FAM50A: variants seen among roughly 807,000 people sequenced by gnomAD.
FAM50A encodes family with sequence similarity 50 member A.
FAM50A carries 6 observed loss-of-function variants against 35.5 expected under a neutral mutation model. The ratio of observed to expected loss-of-function variants is 0.17; its 90% CI spans 0.09 to 0.33. FAM50A has a LOEUF of 0.33. FAM50A is among the 10% of genes least tolerant of loss of function. The pLI is 1.00. For synonymous variants in FAM50A, 120 were observed against 110.9 expected (o/e 1.08, Z -0.52); for missense variants, 145 against 295.5 (o/e 0.49, Z 3.73).
At chrX:154,448,068 C>CTTTTTTTTTTTTTTTTTTTT (rs782137009) in intron 4 of FAM50A, among the ~76,000 whole-genome samples, 2 of 76,519 alleles carry the variant, frequency 2.6e-5, no homozygotes, top group African/African-American at 1.0e-4. Context: ...TCTTTTTTTT[C>CTTTTTTTTTTTTTTTTTTTT]TTTCTTTTTT....
At chrX:154,447,489 A>G (rs1252733873) in intron 4 of FAM50A, among the ~76,000 whole-genome samples, 4 of 112,205 alleles carry the variant, frequency 3.6e-5, no homozygotes, top group Non-Finnish European at 7.5e-5. Flanking sequence ...ACAGTAAAAC[A>G]TAGAAAAAGA....
chrX:154,447,166 G>T (rs1319757187), intron 4 of FAM50A, among the ~76,000 whole-genome samples: 2 of 112,553 alleles, frequency 1.8e-5, no homozygotes, highest in East Asian at 5.5e-4. Flanking sequence ...AGGCCCTAAG[G>T]ATGAGGGGAG....
intron 4 of FAM50A, among the ~76,000 whole-genome samples, chrX:154,448,059 C>CTTTTTTTTTTTTT (rs1324356165): frequency 1.2e-5 from 1 of 84,801 alleles, no homozygotes; most frequent in African/African-American, 6.6e-5. Context: ...TTGTTCTTTT[C>CTTTTTTTTTTTTT]TTTTTTTTCT....
Position 154,448,709 on chromosome X carries a change from G to A in FAM50A, c.539G>A (p.Arg180Gln), listed in dbSNP as rs2068792013. Residue 180 changes from arginine to glutamine, a missense_variant, in exon 6 of 13, where the codon CGG (arginine) becomes CAG (glutamine). Arg to Gln is a conservative substitution (Grantham distance 43). Transcript: ENST00000393600. ...TCCCAGGAGGAGGAGAATCGGCTTC[G>A]GGAAGAGCTGCGGCAGGAGTGGGAA... ...RDREEEENRL[R>Q]EELRQEWEAK... is the part of the protein sequence containing the mutation. 8.3e-7 allele frequency: 1 copy of A among 1,207,585 alleles called. No homozygotes were observed. The highest frequency in any genetic ancestry group is 1.1e-6 in the Non-Finnish European group (1 of 894,523).
At chrX:154,449,099 T>G (rs1471730025) in intron 7 of FAM50A, 122 bp from the exon 8 acceptor site, 16 of 868,970 alleles carry the variant, frequency 1.8e-5, no homozygotes, top group Non-Finnish European at 2.0e-5. Context: ...GTCTGGGGAG[T>G]GAGGCCCAGG....
At position 154,448,579 on chromosome X, in the gene FAM50A, T is replaced by C; in HGVS notation, c.519+19T>C. 1.7e-6 allele frequency: 2 copies of C among 1,199,441 alleles called. No individual in the cohort carries two copies. The highest frequency in any genetic ancestry group is 3.5e-5 in the South Asian group (2 of 56,721). Reference sequence around the variant, plus strand: ...CCGTGAGGTAAAGGCTGCCTGGCCCTGACCCCGGCCTCGACTCCAGCCCTG... The same window carrying C: ...CCGTGAGGTAAAGGCTGCCTGGCCCCGACCCCGGCCTCGACTCCAGCCCTG... On this transcript the variant is annotated intron_variant, in intron 5 of 12. Transcript: ENST00000393600.
Position 154,448,903 on chromosome X carries a change from C to T in FAM50A, c.597C>T (p.Ile199=), listed in dbSNP as rs139766103. 8.1e-5 allele frequency: 98 copies of T among 1,209,582 alleles called. 2 individuals are homozygous for T. The highest frequency in any genetic ancestry group is 6.2e-4 in the South Asian group (35 of 56,841). ...AGCTCTGCCTTGTAGGTGAGGAGAT[C>T]GAGATCACCTTCAGCTACTGGGATG... ...AKQEKIKSEE[I]EITFSYWDGS... Residue 199 remains isoleucine, a synonymous_variant, in exon 7 of 13, where the codon ATC becomes ATT. Coordinates refer to ENST00000393600, the MANE Select transcript of FAM50A (RefSeq NM_004699.4).
At chrX:154,449,321 G>A (rs2068794986) in intron 8 of FAM50A, 24 bp downstream of exon 8, 3 of 1,149,293 alleles carry the variant, frequency 2.6e-6, no homozygotes, top group African/African-American at 1.8e-5. Flanking sequence ...GTGTGTGCAC[G>A]GTGGTGTGTG....
Position 154,448,968 on chromosome X carries a change from A to T in FAM50A, c.648+14A>T. ...CGGACAGTCAAGGTAGGCAGCGTGC[A>T]GCCTGCTTCCTGCTCACCATGGGCC... On this transcript the variant is annotated intron_variant, in intron 7 of 12. Coordinates refer to ENST00000393600, the MANE Select transcript of FAM50A (RefSeq NM_004699.4). The T allele has an allele frequency of 8.4e-7, 1 of 1,195,264 alleles. No individual in the cohort carries two copies.
rs782686424 is a variant in FAM50A at position 154,444,229 on chromosome X, CGCT to C, written c.-4_-2del. 2.4e-5 allele frequency: 21 copies of C among 867,934 alleles called. No homozygotes were observed. The highest frequency in any genetic ancestry group is 3.0e-5 in the Non-Finnish European group (21 of 696,962). 71.5% of individuals were successfully genotyped at this position (867,934 alleles called of 1,213,427 possible). A position where few individuals can be genotyped will look rare whatever the true frequency, so the allele number is the denominator to read the frequency against. On this transcript the variant is annotated 5_prime_UTR_variant, in exon 1 of 13. Transcript: ENST00000393600. Reference sequence around the variant, plus strand: ...CCGCCGCCGCCGCCGCCGCCGCCGCCGCTGCCATGGCTCAATACAAGGGCGCCG... The same window carrying C: ...CCGCCGCCGCCGCCGCCGCCGCCGCCGCCATGGCTCAATACAAGGGCGCCG...
In FAM50A at chrX:154,450,500, T is replaced by A; in HGVS notation, c.*68T>A. On this transcript the variant is annotated 3_prime_UTR_variant, in exon 13 of 13. Coordinates refer to ENST00000393600, the MANE Select transcript of FAM50A (RefSeq NM_004699.4). The stretch of plus-strand genomic sequence containing the variant: ...GTGTGCCCCGTGGTGTCACCGGGAC[T>A]CCAGGCACCCGCTCCCCTGCGACCA... The A allele has an allele frequency of 9.0e-7, 1 of 1,116,607 alleles. No homozygotes were observed. Among genetic ancestry groups the A allele is most frequent in the Non-Finnish European group, 1.2e-6 (1 of 816,125 alleles). 92.0% of individuals were successfully genotyped at this position (1,116,607 alleles called of 1,213,427 possible). A position where few individuals can be genotyped will look rare whatever the true frequency, so the allele number is the denominator to read the frequency against.
intron 4 of FAM50A, 62 bp downstream of exon 4, chrX:154,446,622 G>C: frequency 9.0e-7 from 1 of 1,105,768 alleles, no homozygotes; most frequent in Non-Finnish European, 1.2e-6. Flanking sequence ...CCCAATGTGA[G>C]AGGCTGTCAG....
Position 154,446,518 on chromosome X carries a change from G to A in FAM50A, c.400G>A (p.Glu134Lys). ...GGAGGAAGAAGAGGGAGGCGAGGAG[G>A]AAGAGGAGGCGGCCATGTATGAGGA... ...LEEEEEGGEE[E>K]EEAAMYEEEM... is the part of the protein sequence containing the mutation. Residue 134 changes from glutamate (E) to lysine (K), a missense_variant, in exon 4 of 13, where the codon GAA becomes AAA. Physicochemically the swap from Glu to Lys is moderately conservative, Grantham distance 56. Transcript: ENST00000393600. 8.4e-7 allele frequency: 1 copy of A among 1,195,090 alleles called. No homozygotes were observed. The highest frequency in any genetic ancestry group is 1.1e-6 in the Non-Finnish European group (1 of 883,574).
At chrX:154,445,380 A>G (rs1557199671) in intron 1 of FAM50A, 1 of 420,944 alleles carries the variant, frequency 2.4e-6, no homozygotes, top group Non-Finnish European at 4.2e-6. Context: ...GCCAAAGGTC[A>G]GTAGGGTCGG....
Position 154,450,009 on chromosome X carries a change from C to G in FAM50A, c.830-20C>G, listed in dbSNP as rs2068798858. On this transcript the variant is annotated intron_variant, in intron 10 of 12. Coordinates refer to ENST00000393600, the MANE Select transcript of FAM50A (RefSeq NM_004699.4). ...ACTGGGGCAGCAGCGGGACATTGGG[C>G]TGTCACTTCTCCCCTGCAGGACCAC... 8 of 1,209,927 alleles carry G rather than the reference C, an allele frequency of 6.6e-6. No homozygotes were observed. Among genetic ancestry groups the G allele is most frequent in the Non-Finnish European group, 9.0e-6 (8 of 893,705 alleles).
chrX:154,447,122 C>G (rs1274185709), intron 4 of FAM50A, among the ~76,000 whole-genome samples: 1 of 112,105 alleles, frequency 8.9e-6, no homozygotes, highest in Non-Finnish European at 1.9e-5. Flanking sequence ...ACCGGGCTAA[C>G]CCAGGGGTCA....
intron 4 of FAM50A, among the ~76,000 whole-genome samples, 169 bp downstream of exon 4, chrX:154,446,729 TGGCTG>T (rs2068784085): frequency 8.9e-6 from 1 of 112,037 alleles, no homozygotes; most frequent in African/African-American, 3.2e-5. Flanking sequence ...TAGACCAGGC[TGGCTG>T]GGCACATTTT....
chrX:154,448,994 C>T (rs2068793435), intron 7 of FAM50A, 40 bp downstream of exon 7: 1 of 1,130,627 alleles, frequency 8.8e-7, no homozygotes, highest in Admixed American at 2.3e-5. Context: ...ACCATGGGCC[C>T]AGCCTCCCTC....
chrX:154,444,779 C>T (rs1220620130), intron 1 of FAM50A: 1 of 113,278 alleles, frequency 8.8e-6, no homozygotes, highest in African/African-American at 3.2e-5. Flanking sequence ...CGGTTCGTCT[C>T]CCCCTGGAGA....
Sources: gnomAD v4.1 joint callset for allele counts (sites outside exome capture counted in the v4.1 genomes callset) on GRCh38, gnomAD v4.1.1 for gene constraint, MANE v1.5 for transcripts, NCBI Gene and HGNC (gene_info 2026-07-23, HGNC 2026-07-21) for gene names.